Variants in RBFOX3 observed in about 807,000 individuals in gnomAD.
RBFOX3 encodes RNA binding fox-1 homolog 3, also known as RNA binding protein fox-1 homolog 3.
In RBFOX3, 17 loss-of-function variants were observed where a neutral mutation model predicts 48.7. The ratio of observed to expected loss-of-function variants is 0.35; its 90% CI spans 0.24 to 0.52. RBFOX3 has a LOEUF of 0.52. RBFOX3 is among the 20% of genes least tolerant of loss of function. The pLI, the probability that RBFOX3 is intolerant of heterozygous loss-of-function variation, is 0.94. For missense variants in RBFOX3, 382 were observed against 497.5 expected, an observed-to-expected ratio of 0.77 and a Z score of 2.21; for synonymous variants, 212 against 209.5, an observed-to-expected ratio of 1.01 and a Z score of -0.10.
intron 2 of RBFOX3, among the ~76,000 whole-genome samples, chr17:79,428,063 C>T (rs1435791305): frequency 2.0e-5 from 3 of 152,266 alleles, no homozygotes; most frequent in Non-Finnish European, 4.4e-5. Flanking sequence ...AACCCCTACA[C>T]TCAGCCTTAA....
At chr17:79,461,626 C>T (rs1420305327) in intron 2 of RBFOX3, among the ~76,000 whole-genome samples, 2 of 152,234 alleles carry the variant, frequency 1.3e-5, no homozygotes, top group East Asian at 1.9e-4. Context: ...GTGGGTTGAA[C>T]AGTGGACGCC....
intron 4 of RBFOX3, among the ~76,000 whole-genome samples, chr17:79,152,139 T>A (rs1200330791): frequency 6.6e-6 from 1 of 151,876 alleles, no homozygotes; most frequent in Non-Finnish European, 1.5e-5. Context: ...AGACTGTGCA[T>A]AAGTGGGCGA....
chr17:79,371,976 A>G (rs1432125669), intron 2 of RBFOX3, among the ~76,000 whole-genome samples: 2 of 152,134 alleles, frequency 1.3e-5, no homozygotes, highest in Non-Finnish European at 2.9e-5. Context: ...ACCACAGCCC[A>G]CAGGCAGGTT....
chr17:79,150,935 G>A (rs539373591), intron 4 of RBFOX3, among the ~76,000 whole-genome samples: 5 of 152,330 alleles, frequency 3.3e-5, no homozygotes, highest in South Asian at 4.1e-4. Context: ...GTTGGGCAAC[G>A]AGCCTGGCTT....
rs1013161934 is a variant in RBFOX3 at position 79,471,818 on chromosome 17, C to G, written c.-175+10636G>C. Reference sequence around the variant, plus strand: ...CACTCCTGCATCACACCTAGCGCCCCGTGTGTGACCCGGGATCCCACCGTT... The same window carrying G: ...CACTCCTGCATCACACCTAGCGCCCGGTGTGTGACCCGGGATCCCACCGTT... On this transcript the variant is annotated intron_variant, in intron 2 of 14. Coordinates refer to ENST00000693108, the MANE Select transcript of RBFOX3 (RefSeq NM_001350451.2). This position sits in a 1 kb window ranked among gnomAD's most constrained non-coding sequence, Gnocchi z 4.0. 6.6e-6 allele frequency among the ~76,000 whole-genome samples: 1 copy of G among 152,172 alleles called. No homozygotes were observed. The highest frequency in any genetic ancestry group is 1.5e-5 in the Non-Finnish European group (1 of 68,034).
At chr17:79,450,061 C>T (rs1483883635) in intron 2 of RBFOX3, among the ~76,000 whole-genome samples, 3 of 152,066 alleles carry the variant, frequency 2.0e-5, no homozygotes, top group East Asian at 1.9e-4. Flanking sequence ...GACCGTGGAA[C>T]GATGGGACGT....
intron 1 of RBFOX3, among the ~76,000 whole-genome samples, chr17:79,605,315 C>T (rs1319468594): frequency 2.0e-5 from 3 of 152,194 alleles, no homozygotes; most frequent in Non-Finnish European, 4.4e-5. Context: ...GGACTTGAAA[C>T]TGTTCAGGGG....
intron 1 of RBFOX3, among the ~76,000 whole-genome samples, chr17:79,524,055 A>C (rs2086479783): frequency 6.6e-6 from 1 of 152,024 alleles, no homozygotes; most frequent in Non-Finnish European, 1.5e-5. Flanking sequence ...AAAGCCAGGG[A>C]GTTGGGTTAA....
intron 9 of RBFOX3, among the ~76,000 whole-genome samples, chr17:79,101,258 C>T (rs2076381257): frequency 6.6e-6 from 1 of 152,190 alleles, no homozygotes; most frequent in Non-Finnish European, 1.5e-5. Context: ...AAAGTCAGTC[C>T]TAATCCAGGA....
At chr17:79,172,736 A>C (rs1211250718) in intron 4 of RBFOX3, among the ~76,000 whole-genome samples, 2 of 152,128 alleles carry the variant, frequency 1.3e-5, no homozygotes, top group East Asian at 3.8e-4. Flanking sequence ...GTCTCAACAG[A>C]GATATTCTGT....
chr17:79,279,941 CTGTG>C (rs1055727840), intron 3 of RBFOX3, among the ~76,000 whole-genome samples: 2 of 152,150 alleles, frequency 1.3e-5, no homozygotes, highest in Non-Finnish European at 2.9e-5. Context: ...CACCGCGTGT[CTGTG>C]TGTGTGCCTG....
intron 4 of RBFOX3, among the ~76,000 whole-genome samples, chr17:79,233,313 C>A (rs2061248719): frequency 6.6e-6 from 1 of 152,092 alleles, no homozygotes; most frequent in Non-Finnish European, 1.5e-5. Flanking sequence ...TATTCTACAG[C>A]GACAAGAAGC....
intron 3 of RBFOX3, among the ~76,000 whole-genome samples, chr17:79,301,445 A>G (rs189013010): frequency 9.2e-4 from 140 of 152,330 alleles, no homozygotes; most frequent in African/African-American, 3.2e-3. Flanking sequence ...GACTGAGACC[A>G]CAGAGGTGTA....
intron 3 of RBFOX3, among the ~76,000 whole-genome samples, chr17:79,255,314 C>T (rs567767643): frequency 2.6e-5 from 4 of 152,072 alleles, no homozygotes; most frequent in South Asian, 4.2e-4. Context: ...GTGCCGTAGA[C>T]TCACTATGGT....
chr17:79,655,096 G>A, the RBFOX3 span, among the ~76,000 whole-genome samples: 3 of 152,202 alleles, frequency 2.0e-5, no homozygotes, highest in Admixed American at 1.3e-4. Context: ...ACACCGGGCC[G>A]TGAGTTAAAT....
At chr17:79,118,143 T>A (rs760310455) in intron 4 of RBFOX3, among the ~76,000 whole-genome samples, 1 of 152,006 alleles carries the variant, frequency 6.6e-6, no homozygotes, top group African/African-American at 2.4e-5. Flanking sequence ...GCCGTCTCGG[T>A]GCTCGCCACC....
At chr17:79,233,268 C>T (rs1249206614) in intron 4 of RBFOX3, among the ~76,000 whole-genome samples, 4 of 152,260 alleles carry the variant, frequency 2.6e-5, no homozygotes, top group South Asian at 2.1e-4. Flanking sequence ...ACAGATGCTA[C>T]GATTCTATTT....
At chr17:79,193,045 G>A (rs540441910) in intron 4 of RBFOX3, among the ~76,000 whole-genome samples, 42 of 152,310 alleles carry the variant, frequency 2.8e-4, no homozygotes, top group African/African-American at 9.9e-4. Flanking sequence ...AACCTCATCC[G>A]CTTCCAACTT....
intron 2 of RBFOX3, among the ~76,000 whole-genome samples, chr17:79,382,061 GACTAAACTCACACACTGCGGGACCC>G (rs1213630776): frequency 6.6e-6 from 1 of 152,220 alleles, no homozygotes; most frequent in Non-Finnish European, 1.5e-5. Context: ...GGTCCAGAAA[GACTAAACTCACACACTGCGGGACCC>G]ACAGAATAGG....
Sources: gnomAD v4.1 joint callset for allele counts (sites outside exome capture counted in the v4.1 genomes callset) on GRCh38, gnomAD v4.1.1 for gene constraint, Gnocchi (gnomAD v3.1) non-coding constraint, MANE v1.5 for transcripts, NCBI Gene and HGNC (gene_info 2026-07-23, HGNC 2026-07-21) for gene names.